IFNAR2: variants seen among roughly 807,000 people sequenced by gnomAD.
The protein encoded by IFNAR2 is interferon alpha and beta receptor subunit 2, also known as interferon alpha/beta receptor 2.
A neutral mutation model predicts 49.4 loss-of-function variants in IFNAR2; 30 were observed. The ratio of observed to expected loss-of-function variants is 0.61; its 90% CI spans 0.45 to 0.82. IFNAR2 has a LOEUF of 0.82. Among genes scored for constraint, IFNAR2 ranks in the 40% least tolerant of loss-of-function variants. IFNAR2 has a pLI of 0.00. For missense variants in IFNAR2, 600 were observed against 622.7 expected, an observed-to-expected ratio of 0.96 and a Z score of 0.39; for synonymous variants, 224 against 234.5, an observed-to-expected ratio of 0.96 and a Z score of 0.41.
rs113016076 is a variant in IFNAR2 at position 33,262,456 on chromosome 21, C to T, written c.841-337C>T. On this transcript the variant is annotated intron_variant, in intron 8 of 8. Transcript: ENST00000342136. Reference sequence around the variant, plus strand: ...TATATAAAGCACCAAGAGTCATGCCCAGCATATAGTAAGCATGGTGTAACT... The same window carrying T: ...TATATAAAGCACCAAGAGTCATGCCTAGCATATAGTAAGCATGGTGTAACT... 11 of 618,754 alleles carry T rather than the reference C, an allele frequency of 1.8e-5. No individual in the cohort carries two copies. In the African/African-American group the frequency reaches 1.8e-4, roughly 10 times the overall value. 38.3% of individuals were successfully genotyped at this position (618,754 alleles called of 1,614,324 possible).
intron 4 of IFNAR2, among the ~76,000 whole-genome samples, chr21:33,245,578 C>T (rs905028443): frequency 6.6e-6 from 1 of 152,234 alleles, no homozygotes; most frequent in African/African-American, 2.4e-5. Flanking sequence ...TGACACTTGG[C>T]ACGGACCTCA....
Position 33,238,676 on chromosome 21 carries a change from GGTT to G in IFNAR2, c.-83-3160_-83-3158del, listed in dbSNP as rs371335896. Among the ~76,000 whole-genome samples, 399 of 134,172 alleles carry G rather than the reference GGTT, an allele frequency of 3.0e-3. 2 individuals are homozygous for G. The highest frequency in any genetic ancestry group is 7.9e-3 in the Middle Eastern group (2 of 252). The allele number at this position is 134,172 out of a possible 152,430, so 88.0% of individuals were successfully genotyped here. Reference sequence around the variant, plus strand: ...AAACTTCTGGGTGTTTTTTTGGGGGGGTTGTTTTTTTTAAACAGCACAAGCAAC... The same window carrying G: ...AAACTTCTGGGTGTTTTTTTGGGGGGGTTTTTTTTAAACAGCACAAGCAAC... On this transcript the variant is annotated intron_variant, in intron 1 of 8. Coordinates refer to ENST00000342136, the MANE Select transcript of IFNAR2 (RefSeq NM_001289125.3).
At chr21:33,243,550 CA>C in intron 2 of IFNAR2, 122 bp from the exon 3 acceptor site, 1 of 881,866 alleles carries the variant, frequency 1.1e-6, no homozygotes, top group South Asian at 1.5e-5. Flanking sequence ...ATTTTTTTGG[CA>C]CAAGAAAAAT....
chr21:33,261,740 C>G (rs6517156), intron 8 of IFNAR2, among the ~76,000 whole-genome samples: 54,911 of 151,882 alleles, frequency 0.36, 10,183 homozygotes, highest in East Asian at 0.59. Flanking sequence ...GCCAGGCATG[C>G]TGGCACATGC....
At chr21:33,254,792 G>A (rs1040780340) in intron 7 of IFNAR2, among the ~76,000 whole-genome samples, 4 of 152,128 alleles carry the variant, frequency 2.6e-5, no homozygotes, top group African/African-American at 9.7e-5. Context: ...GATGCCTTAT[G>A]TCTCCCTAAA....
intron 1 of IFNAR2, chr21:33,232,978 T>C: frequency 5.1e-6 from 5 of 976,688 alleles, no homozygotes; most frequent in Middle Eastern, 5.3e-4. Flanking sequence ...GACGTCTTAC[T>C]AAAAACAAAG....
At position 33,230,618 on chromosome 21, in the gene IFNAR2, G is replaced by A. The variant is rs1225184152; in HGVS notation, c.-84+402G>A. 2 of 469,670 alleles carry A rather than the reference G, an allele frequency of 4.3e-6. No homozygotes were observed. Among genetic ancestry groups the A allele is most frequent in the African/African-American group, 4.0e-5 (2 of 50,030 alleles). The allele number at this position is 469,670 out of a possible 1,614,324, so 29.1% of individuals were successfully genotyped here. ...CAGGTCCACCCCGCCTTGCAAAACC[G>A]GCTCACCAGCTGGGTGCTCAGGTTC... On this transcript the variant is annotated intron_variant, in intron 1 of 8. Transcript: ENST00000342136. This position sits in a 1 kb window ranked among gnomAD's most constrained non-coding sequence, Gnocchi z 5.5.
chr21:33,263,540 A>G lies in IFNAR2; in HGVS notation c.*40A>G, dbSNP rs369722524. On this transcript the variant is annotated 3_prime_UTR_variant, in exon 9 of 9. Coordinates refer to ENST00000342136, the MANE Select transcript of IFNAR2 (RefSeq NM_001289125.3). ...AATGAACTTGGACAGACAAGCACCTACAGGGTTCTTTGTCTCTGCATCCTA... is the reference window on the plus strand; with the variant it reads ...AATGAACTTGGACAGACAAGCACCTGCAGGGTTCTTTGTCTCTGCATCCTA... 7.4e-5 allele frequency: 115 copies of G among 1,543,694 alleles called. No individual in the cohort carries two copies. The African/African-American group carries it at 1.5e-3, about 20-fold the overall frequency.
At chr21:33,247,267 T>TTTTTTTTTTTTTTTC (rs1987508979) in intron 5 of IFNAR2, among the ~76,000 whole-genome samples, 1 of 146,814 alleles carries the variant, frequency 6.8e-6, no homozygotes, top group African/African-American at 2.5e-5. Context: ...TTTTTTTTTT[T>TTTTTTTTTTTTTTTC]TTGAGATGGA....
chr21:33,263,893 C>T lies in IFNAR2; in HGVS notation c.*393C>T, dbSNP rs45529132. 6.5e-4 allele frequency: 101 copies of T among 154,758 alleles called. No homozygotes were observed. Among genetic ancestry groups the T allele is most frequent in the Non-Finnish European group, 1.1e-3 (80 of 73,210 alleles). 9.6% of individuals were successfully genotyped at this position (154,758 alleles called of 1,614,324 possible). On this transcript the variant is annotated 3_prime_UTR_variant, in exon 9 of 9. Coordinates refer to ENST00000342136, the MANE Select transcript of IFNAR2 (RefSeq NM_001289125.3). ...TTTTTGAGACAGAGTCTCGTTCTGT[C>T]GCCCAAGCTGGAGCGCAATGGTGTG...
At chr21:33,253,868 A>G (rs995503761) in intron 7 of IFNAR2, among the ~76,000 whole-genome samples, 3 of 152,012 alleles carry the variant, frequency 2.0e-5, no homozygotes, top group Admixed American at 2.0e-4. Flanking sequence ...GGCCGGCTTT[A>G]CTGCCATCTG....
In IFNAR2 at chr21:33,252,747, CTG is replaced by C; in HGVS notation, c.628_629del (p.Val210LeufsTer6). ...ATTCCAAACACGAACTACTGTGTAT[CTG>C]TTTATTTAGAGCACAGTGATGAGCA... is the stretch of plus-strand genomic sequence containing the variant. On this transcript the variant is annotated frameshift_variant, in exon 7 of 9. Coordinates refer to ENST00000342136, the MANE Select transcript of IFNAR2 (RefSeq NM_001289125.3). LOFTEE classifies it high-confidence loss of function. 1 of 1,612,538 alleles carries C rather than the reference CTG, an allele frequency of 6.2e-7. No homozygotes were observed. The highest frequency in any genetic ancestry group is 8.5e-7 in the Non-Finnish European group (1 of 1,178,564).
intron 8 of IFNAR2, among the ~76,000 whole-genome samples, chr21:33,262,247 C>T (rs1452867027): frequency 6.6e-6 from 1 of 151,468 alleles, no homozygotes; most frequent in East Asian, 1.9e-4. Context: ...CGCCTGTAAT[C>T]CCAGCTACTC....
chr21:33,259,366 T>C (rs1395256583), intron 7 of IFNAR2, among the ~76,000 whole-genome samples: 3 of 152,110 alleles, frequency 2.0e-5, no homozygotes, highest in African/African-American at 4.8e-5. Context: ...GCATGTATAA[T>C]TGTCATGACC....
intron 7 of IFNAR2, 144 bp downstream of exon 7, chr21:33,252,974 G>A (rs1601810085): frequency 1.4e-6 from 1 of 731,940 alleles, no homozygotes; most frequent in African/African-American, 1.7e-5. Context: ...GATGTTTTCT[G>A]TTGGTTCGTG....
At chr21:33,252,237 C>T in intron 6 of IFNAR2, 1 of 462,762 alleles carries the variant, frequency 2.2e-6, no homozygotes, top group South Asian at 1.6e-5. Flanking sequence ...TTTTCTCATC[C>T]GTTGAATGGA....
At chr21:33,258,964 CT>C (rs1988394366) in intron 7 of IFNAR2, among the ~76,000 whole-genome samples, 1 of 152,084 alleles carries the variant, frequency 6.6e-6, no homozygotes, top group Admixed American at 6.6e-5. Flanking sequence ...GAGAGGCGGT[CT>C]TACTTGTTCC....
At chr21:33,256,878 G>A (rs1409727319) in intron 7 of IFNAR2, among the ~76,000 whole-genome samples, 1 of 152,196 alleles carries the variant, frequency 6.6e-6, no homozygotes, top group Non-Finnish European at 1.5e-5. Flanking sequence ...AAAAAATTAT[G>A]CGGGAAAGGA....
chr21:33,242,937 C>T (rs1346348546), intron 2 of IFNAR2, among the ~76,000 whole-genome samples: 3 of 149,162 alleles, frequency 2.0e-5, no homozygotes, highest in South Asian at 2.1e-4. Context: ...TACAGGCACC[C>T]GCCACCATGC....
Sources: gnomAD v4.1 joint callset for allele counts (sites outside exome capture counted in the v4.1 genomes callset) on GRCh38, gnomAD v4.1.1 for gene constraint, Gnocchi (gnomAD v3.1) non-coding constraint, MANE v1.5 for transcripts, NCBI Gene and HGNC (gene_info 2026-07-23, HGNC 2026-07-21) for gene names.